The following MGAT4C variants were observed in gnomAD, a reference collection of about 807,000 sequenced individuals.
MGAT4C encodes alpha-1,3-mannosyl-glycoprotein 4-beta-N-acetylglucosaminyltransferase C.
A neutral mutation model predicts 40.1 loss-of-function variants in MGAT4C; 19 were observed. The ratio of observed to expected loss-of-function variants is 0.47; its 90% confidence interval spans 0.33 to 0.70. MGAT4C has a LOEUF of 0.70. Ranked by LOEUF, MGAT4C falls within the 30% of genes least tolerant of loss-of-function variation. MGAT4C has a pLI of 0.02. For synonymous variants in MGAT4C, 181 were observed against 187.1 expected (o/e 0.97, Z 0.27); for missense variants, 491 against 563.2 (o/e 0.87, Z 1.30).
chr12:86,618,050 T>C (rs1270226609), intron 2 of MGAT4C, among the ~76,000 whole-genome samples: 1 of 152,168 alleles, frequency 6.6e-6, no homozygotes, highest in Non-Finnish European at 1.5e-5. Context: ...AAGGAATACA[T>C]ACAAGTGGTC....
intron 1 of MGAT4C, among the ~76,000 whole-genome samples, chr12:86,794,417 T>G (rs1179812475): frequency 1.3e-5 from 2 of 151,870 alleles, no homozygotes; most frequent in African/African-American, 4.8e-5. Flanking sequence ...AGTGATGAGA[T>G]TAACTCATTT....
At chr12:86,252,894 A>G (rs543195392) in intron 1 of MGAT4C, among the ~76,000 whole-genome samples, 9 of 151,908 alleles carry the variant, frequency 5.9e-5, no homozygotes, top group Non-Finnish European at 1.3e-4. Context: ...AATGATTGAT[A>G]CTGTTTTGAT....
intron 4 of MGAT4C, among the ~76,000 whole-genome samples, chr12:86,291,060 T>C (rs1226007731): frequency 6.6e-6 from 1 of 152,198 alleles, no homozygotes; most frequent in Non-Finnish European, 1.5e-5. Context: ...ATAAAGCACA[T>C]GTTCTGCCCA....
intron 2 of MGAT4C, among the ~76,000 whole-genome samples, chr12:86,494,828 A>C (rs1958209607): frequency 6.6e-6 from 1 of 152,130 alleles, no homozygotes; most frequent in African/African-American, 2.4e-5. Flanking sequence ...GGATTGAATT[A>C]TAAGTAAAAC....
intron 1 of MGAT4C, among the ~76,000 whole-genome samples, chr12:86,226,864 G>T (rs1169365747): frequency 6.6e-6 from 1 of 151,870 alleles, no homozygotes; most frequent in Non-Finnish European, 1.5e-5. Flanking sequence ...TCTCGAAAAA[G>T]AACTTCTTTG....
At chr12:86,566,267 C>T (rs1054246292) in intron 2 of MGAT4C, among the ~76,000 whole-genome samples, 1 of 151,656 alleles carries the variant, frequency 6.6e-6, no homozygotes, top group Non-Finnish European at 1.5e-5. Flanking sequence ...AAGGGAGACC[C>T]ACCCTTAACC....
At chr12:86,665,900 AT>A (rs1964093608) in intron 2 of MGAT4C, among the ~76,000 whole-genome samples, 1 of 152,202 alleles carries the variant, frequency 6.6e-6, no homozygotes. Flanking sequence ...AAAGAAAACT[AT>A]TGAAATAGTT....
At chr12:86,287,048 A>G (rs1953369525) in intron 4 of MGAT4C, among the ~76,000 whole-genome samples, 1 of 152,152 alleles carries the variant, frequency 6.6e-6, no homozygotes, top group African/African-American at 2.4e-5. Context: ...TGTGATGAAC[A>G]TATGCATGCA....
chr12:86,616,997 C>A (rs1962472379), intron 2 of MGAT4C, among the ~76,000 whole-genome samples: 1 of 149,372 alleles, frequency 6.7e-6, no homozygotes, highest in African/African-American at 2.5e-5. Context: ...TCGTATCTAG[C>A]AAAAAAAAAT....
At position 86,474,647 on chromosome 12, in the gene MGAT4C, A is replaced by G. The variant is rs36030378; in HGVS notation, c.-228-39382T>C. 5.6e-3 allele frequency among the ~76,000 whole-genome samples: 848 copies of G among 152,236 alleles called. 5 individuals carry two copies. The highest frequency in any genetic ancestry group is 9.4e-3 in the Non-Finnish European group (642 of 68,010). ...TTAAACTGATTTTATGAATTGTATAAATGACAAGGATTCATACTCTGGCTT... is the reference window on the plus strand; with the variant it reads ...TTAAACTGATTTTATGAATTGTATAGATGACAAGGATTCATACTCTGGCTT... On this transcript the variant is annotated intron_variant, in intron 2 of 7. Coordinates refer to the MGAT4C transcript ENST00000548651.
intron 2 of MGAT4C, among the ~76,000 whole-genome samples, chr12:86,678,596 C>G (rs1949912186): frequency 7.4e-6 from 1 of 135,066 alleles, no homozygotes; most frequent in Non-Finnish European, 1.5e-5. Flanking sequence ...CACCACACAA[C>G]AGTCCCCAGA....
At chr12:86,124,211 T>G (rs1879890461) in intron 1 of MGAT4C, among the ~76,000 whole-genome samples, 1 of 152,164 alleles carries the variant, frequency 6.6e-6, no homozygotes, top group South Asian at 2.1e-4. Flanking sequence ...CATCTGCTTC[T>G]CTCAAAAACA....
chr12:86,364,906 G>A lies in MGAT4C; in HGVS notation c.-119-30779C>T, dbSNP rs145559943. ...GATCACAGGACCACAGGACTGGGGCGAAATTAAAATTGGTAATGAAGTTTC... is the reference window on the plus strand; with the variant it reads ...GATCACAGGACCACAGGACTGGGGCAAAATTAAAATTGGTAATGAAGTTTC... On this transcript the variant is annotated intron_variant, in intron 3 of 7. Coordinates refer to the MGAT4C transcript ENST00000548651. Among the ~76,000 whole-genome samples, 1,010 of 152,252 alleles carry A rather than the reference G, an allele frequency of 6.6e-3. 10 individuals are homozygous for A. The highest frequency in any genetic ancestry group is 0.023 in the African/African-American group (961 of 41,534).
At chr12:86,145,812 A>G (rs1480356207) in intron 1 of MGAT4C, among the ~76,000 whole-genome samples, 2 of 152,176 alleles carry the variant, frequency 1.3e-5, no homozygotes, top group African/African-American at 4.8e-5. Flanking sequence ...TGCTCAGGCA[A>G]AAATAGAGTT....
chr12:86,475,862 G>T (rs184355066), intron 2 of MGAT4C, among the ~76,000 whole-genome samples: 1 of 151,852 alleles, frequency 6.6e-6, no homozygotes, highest in Non-Finnish European at 1.5e-5. Flanking sequence ...CATTATAATT[G>T]CCATGAATTA....
intron 1 of MGAT4C, among the ~76,000 whole-genome samples, chr12:86,790,645 T>C (rs1264274334): frequency 6.6e-6 from 1 of 152,122 alleles, no homozygotes; most frequent in African/African-American, 2.4e-5. Flanking sequence ...CCATTATTGC[T>C]AAGCTACAGA....
intron 1 of MGAT4C, among the ~76,000 whole-genome samples, chr12:86,053,247 T>TTG (rs10540006): frequency 1.8e-4 from 27 of 150,348 alleles, no homozygotes; most frequent in Non-Finnish European, 2.5e-4. Flanking sequence ...GTATTTGACT[T>TTG]TGTGTGTGTG....
chr12:86,018,237 C>T (rs544113799), intron 2 of MGAT4C, among the ~76,000 whole-genome samples: 1 of 152,134 alleles, frequency 6.6e-6, no homozygotes, highest in African/African-American at 2.4e-5. Context: ...ATGAAAGTGG[C>T]AACGTTAATC....
At chr12:86,416,246 G>GA (rs1956710418) in intron 3 of MGAT4C, among the ~76,000 whole-genome samples, 1 of 151,964 alleles carries the variant, frequency 6.6e-6, no homozygotes, top group Non-Finnish European at 1.5e-5. Context: ...GGCTGAGATG[G>GA]AAAAAATGTG....
Sources: gnomAD v4.1 joint callset for allele counts (sites outside exome capture counted in the v4.1 genomes callset) on GRCh38, gnomAD v4.1.1 for gene constraint, MANE v1.5 for transcripts, NCBI Gene and HGNC (gene_info 2026-07-23, HGNC 2026-07-21) for gene names.